Variants in IKZF3 observed in about 807,000 individuals in gnomAD.
The protein encoded by IKZF3 is zinc finger protein Aiolos.
In IKZF3, 10 loss-of-function variants were observed where a neutral mutation model predicts 49.0. The ratio of observed to expected loss-of-function variants is 0.20; its 90% CI spans 0.13 to 0.35. IKZF3 has a LOEUF of 0.35. Ranked by LOEUF, IKZF3 falls within the 10% of genes least tolerant of loss-of-function variation. The probability of loss-of-function intolerance (pLI) is 1.00; values close to 1 mark genes in which losing one functional copy is unlikely to be tolerated. For synonymous variants in IKZF3, 209 were observed against 228.2 expected, an observed-to-expected ratio of 0.92 and a Z score of 0.76; for missense variants, 498 against 664.8, an observed-to-expected ratio of 0.75 and a Z score of 2.76.
At chr17:39,839,027 C>G (rs567604822) in intron 1 of IKZF3, among the ~76,000 whole-genome samples, 19 of 152,034 alleles carry the variant, frequency 1.2e-4, no homozygotes, top group Non-Finnish European at 2.2e-4. Context: ...GACAGAGTCT[C>G]ACTATGTTGC....
chr17:39,814,899 G>A (rs1381951517), intron 3 of IKZF3, among the ~76,000 whole-genome samples: 1 of 152,150 alleles, frequency 6.6e-6, no homozygotes, highest in African/African-American at 2.4e-5. Context: ...GGAAAACTAA[G>A]ACAGAGGGTA....
At chr17:39,790,324 A>G (rs952405599) in intron 5 of IKZF3, among the ~76,000 whole-genome samples, 1 of 151,712 alleles carries the variant, frequency 6.6e-6, no homozygotes, top group African/African-American at 2.4e-5. Flanking sequence ...TACTTGAAAA[A>G]GGCAACAGTA....
At chr17:39,790,190 A>C (rs2060982314) in intron 5 of IKZF3, among the ~76,000 whole-genome samples, 2 of 152,240 alleles carry the variant, frequency 1.3e-5, no homozygotes, top group South Asian at 4.1e-4. Flanking sequence ...GATTTAAAGC[A>C]CTAAAAGATC....
intron 6 of IKZF3, chr17:39,777,972 T>C (rs755841136): frequency 4.6e-4 from 575 of 1,245,480 alleles, no homozygotes; most frequent in Non-Finnish European, 5.7e-4. Context: ...TGCAGTCTTA[T>C]GCCGAGATGG....
chr17:39,788,697 T>C (rs1188595128), intron 5 of IKZF3, among the ~76,000 whole-genome samples: 2 of 152,192 alleles, frequency 1.3e-5, no homozygotes, highest in African/African-American at 2.4e-5. Flanking sequence ...TAGGGCCCTT[T>C]TATTCTTCAA....
chr17:39,831,485 G>A (rs113156388), intron 2 of IKZF3, among the ~76,000 whole-genome samples: 1 of 152,296 alleles, frequency 6.6e-6, no homozygotes, highest in African/African-American at 2.4e-5. Flanking sequence ...TTCACACAGT[G>A]AGTTAATCAA....
intron 7 of IKZF3, among the ~76,000 whole-genome samples, chr17:39,766,707 G>A (rs946071365): frequency 6.6e-6 from 1 of 152,306 alleles, no homozygotes; most frequent in South Asian, 2.1e-4. Flanking sequence ...GCAGGCAGAA[G>A]AGAGGGGCAG....
chr17:39,767,790 C>T (rs150321152), intron 7 of IKZF3, among the ~76,000 whole-genome samples: 272 of 152,192 alleles, frequency 1.8e-3, no homozygotes, highest in African/African-American at 6.3e-3. Flanking sequence ...TGGCCGGGCG[C>T]GGTGGCTCAG....
intron 1 of IKZF3, chr17:39,835,934 C>A: frequency 1.5e-6 from 1 of 654,090 alleles, no homozygotes; most frequent in South Asian, 1.4e-5. Context: ...CCAGTTTCAG[C>A]TTCTCCTGGC....
intron 3 of IKZF3, among the ~76,000 whole-genome samples, chr17:39,811,302 A>G (rs1347169735): frequency 1.4e-5 from 2 of 145,006 alleles, no homozygotes; most frequent in East Asian, 3.9e-4. Context: ...AAAAAAAGAG[A>G]AAGAGAAAGA....
intron 3 of IKZF3, among the ~76,000 whole-genome samples, chr17:39,809,935 T>G (rs1334665823): frequency 6.6e-6 from 1 of 152,212 alleles, no homozygotes; most frequent in Non-Finnish European, 1.5e-5. Flanking sequence ...CATATGAAAC[T>G]ATTATGAAAA....
At position 39,864,177 on chromosome 17, in the gene IKZF3, A is replaced by G. The variant is rs1317252849; in HGVS notation, c.-51T>C. On this transcript the variant is annotated 5_prime_UTR_variant, in exon 1 of 8. Transcript: ENST00000346872. ...GCCGCTGTGGCTACTCGGCCTCTCC[A>G]CGTGCTCCTGCCGTCGCCTGGACTC... is the stretch of plus-strand genomic sequence containing the variant. The G allele has an allele frequency of 1.9e-6, 3 of 1,605,342 alleles. No homozygotes were observed. The highest frequency in any genetic ancestry group is 2.6e-6 in the Non-Finnish European group (3 of 1,176,180).
intron 6 of IKZF3, among the ~76,000 whole-genome samples, chr17:39,783,322 T>C (rs554020013): frequency 7.9e-5 from 12 of 152,218 alleles, no homozygotes; most frequent in Non-Finnish European, 1.5e-4. Context: ...ACCTGTGAGA[T>C]AGCATTTTTT....
Position 39,781,017 on chromosome 17 carries a change from G to A in IKZF3, c.710-3250C>T, listed in dbSNP as rs978314051. Among the ~76,000 whole-genome samples, 6 of 152,096 alleles carry A rather than the reference G, an allele frequency of 3.9e-5. No individual in the cohort carries two copies. In the South Asian group the frequency reaches 1.2e-3, roughly 32 times the overall value. On this transcript the variant is annotated intron_variant, in intron 6 of 7. Coordinates refer to ENST00000346872, the MANE Select transcript of IKZF3 (RefSeq NM_012481.5). ...GAAAACAGTAAGGGTCAGAATAGGGGGCCTGAGTGGCTTTTGGGCTAGTGC... is the reference window on the plus strand; with the variant it reads ...GAAAACAGTAAGGGTCAGAATAGGGAGCCTGAGTGGCTTTTGGGCTAGTGC...
At chr17:39,843,582 T>C (rs1416966906) in intron 1 of IKZF3, among the ~76,000 whole-genome samples, 3 of 152,150 alleles carry the variant, frequency 2.0e-5, no homozygotes, top group African/African-American at 7.2e-5. Flanking sequence ...CTGAATATTT[T>C]AAACCCTCTG....
At chr17:39,851,002 T>C (rs182864125) in intron 1 of IKZF3, among the ~76,000 whole-genome samples, 52 of 144,482 alleles carry the variant, frequency 3.6e-4, no homozygotes, top group African/African-American at 8.6e-4. Flanking sequence ...ATTATATACA[T>C]GTATATATTA....
intron 3 of IKZF3, among the ~76,000 whole-genome samples, chr17:39,799,695 A>G (rs1290286839): frequency 6.6e-6 from 1 of 152,194 alleles, no homozygotes; most frequent in Non-Finnish European, 1.5e-5. Context: ...CAGCAACATG[A>G]CTAATCACAG....
intron 1 of IKZF3, among the ~76,000 whole-genome samples, chr17:39,841,491 A>C (rs2062465881): frequency 6.6e-6 from 1 of 152,120 alleles, no homozygotes; most frequent in Non-Finnish European, 1.5e-5. Context: ...GTTGAGAAGA[A>C]TGTCCACACA....
chr17:39,845,399 C>G (rs1220620147), intron 1 of IKZF3, among the ~76,000 whole-genome samples: 1 of 148,182 alleles, frequency 6.7e-6, no homozygotes, highest in Non-Finnish European at 1.5e-5. Context: ...GTAGCAGGTG[C>G]CTATAATCCA....
Sources: gnomAD v4.1 joint callset for allele counts (sites outside exome capture counted in the v4.1 genomes callset) on GRCh38, gnomAD v4.1.1 for gene constraint, MANE v1.5 for transcripts, NCBI Gene and HGNC (gene_info 2026-07-23, HGNC 2026-07-21) for gene names.